Variants in ATRNL1 observed in about 807,000 individuals in gnomAD.
ATRNL1 encodes attractin like 1, also known as attractin-like protein 1.
ATRNL1 carries 95 observed loss-of-function variants against 182.7 expected under a neutral mutation model. That is an observed-to-expected ratio of 0.52 (90% CI 0.44 to 0.62). The LOEUF (loss-of-function observed/expected upper bound fraction) is 0.62, where lower values mean the gene tolerates loss of function less well. Among genes scored for constraint, ATRNL1 ranks in the 20% least tolerant of loss-of-function variants. The pLI, the probability that ATRNL1 is intolerant of heterozygous loss-of-function variation, is 0.00. For synonymous variants in ATRNL1, 576 were observed against 568.3 expected (o/e 1.01, Z -0.19); for missense variants, 1,471 against 1,679.5 (o/e 0.88, Z 2.17).
chr10:115,398,335 G>C (rs1844387687), intron 20 of ATRNL1, among the ~76,000 whole-genome samples: 1 of 151,932 alleles, frequency 6.6e-6, no homozygotes, highest in South Asian at 2.1e-4. Context: ...AAACACAGCT[G>C]ATCGTCAAAA....
intron 24 of ATRNL1, among the ~76,000 whole-genome samples, chr10:115,485,804 T>C (rs1333952410): frequency 1.3e-5 from 2 of 152,118 alleles, no homozygotes; most frequent in Admixed American, 6.6e-5. Flanking sequence ...GCAGGTTTGT[T>C]ACATAGGTAT....
At position 115,241,949 on chromosome 10, in the gene ATRNL1, G is replaced by C. The variant is rs540722760; in HGVS notation, c.1687+224G>C. 3.3e-5 allele frequency among the ~76,000 whole-genome samples: 5 copies of C among 152,106 alleles called. No individual in the cohort carries two copies. In the East Asian group the frequency reaches 9.7e-4, roughly 29 times the overall value. On this transcript the variant is annotated intron_variant, in intron 10 of 28. Coordinates refer to ENST00000355044, the MANE Select transcript of ATRNL1 (RefSeq NM_207303.4). The stretch of plus-strand genomic sequence containing the variant: ...GTGGTAGATACAGGGAATACAAAAA[G>C]CTAGATTTGGATGTCCTTTTTGAAG...
In ATRNL1 at chr10:115,624,966, G is replaced by A. The variant is rs1415713546; in HGVS notation, c.3795+75430G>A. On this transcript the variant is annotated intron_variant, in intron 26 of 28. Coordinates refer to ENST00000355044, the MANE Select transcript of ATRNL1 (RefSeq NM_207303.4). ...TTTCAAATGTTTTCAGGCAATATTA[G>A]TTTACTATCATAATACTAAATTAAA... Among the ~76,000 whole-genome samples the A allele has an allele frequency of 2.6e-5, 4 of 152,092 alleles. No individual in the cohort carries two copies. The East Asian group carries it at 7.7e-4, about 29-fold the overall frequency.
intron 26 of ATRNL1, among the ~76,000 whole-genome samples, chr10:115,685,299 A>C: frequency 6.6e-6 from 1 of 151,794 alleles, no homozygotes; most frequent in East Asian, 1.9e-4. Context: ...TATTTTAAAT[A>C]TCAACTCTGC....
At chr10:115,547,357 A>C (rs1852727369) in intron 25 of ATRNL1, among the ~76,000 whole-genome samples, 1 of 151,856 alleles carries the variant, frequency 6.6e-6, no homozygotes, top group African/African-American at 2.4e-5. Flanking sequence ...TCTCAGCTAC[A>C]ATGAGTATTT....
At chr10:115,158,450 G>C (rs949524879) in intron 5 of ATRNL1, among the ~76,000 whole-genome samples, 2 of 151,954 alleles carry the variant, frequency 1.3e-5, no homozygotes, top group African/African-American at 2.4e-5. Context: ...AATTAAAAAA[G>C]AGGTTCCTTT....
At chr10:115,136,549 C>T (rs1845522389) in intron 5 of ATRNL1, among the ~76,000 whole-genome samples, 1 of 152,170 alleles carries the variant, frequency 6.6e-6, no homozygotes, top group Non-Finnish European at 1.5e-5. Context: ...ATTATAGTAT[C>T]AACAGAATAG....
chr10:115,485,039 G>A (rs782649683), intron 24 of ATRNL1, among the ~76,000 whole-genome samples: 2 of 151,912 alleles, frequency 1.3e-5, no homozygotes, highest in Non-Finnish European at 2.9e-5. Context: ...GTTTTTTTGT[G>A]TGGTGTTGCT....
At chr10:115,202,798 G>A (rs1352625982) in intron 8 of ATRNL1, among the ~76,000 whole-genome samples, 2 of 147,422 alleles carry the variant, frequency 1.4e-5, no homozygotes, top group Non-Finnish European at 3.0e-5. Context: ...AATAGTTTCA[G>A]AAGGAATGGT....
intron 26 of ATRNL1, among the ~76,000 whole-genome samples, chr10:115,631,623 G>A (rs1427407412): frequency 3.3e-5 from 5 of 152,026 alleles, no homozygotes; most frequent in African/African-American, 9.7e-5. Flanking sequence ...TAATTGTTGA[G>A]GCCAGATGTG....
chr10:115,173,290 T>G (rs1847366430), intron 8 of ATRNL1, among the ~76,000 whole-genome samples: 1 of 152,000 alleles, frequency 6.6e-6, no homozygotes, highest in Non-Finnish European at 1.5e-5. Context: ...AGGGCAGTTT[T>G]CTTTTCTGAT....
chr10:115,408,271 G>A (rs1235614794), intron 20 of ATRNL1, among the ~76,000 whole-genome samples: 1 of 152,036 alleles, frequency 6.6e-6, no homozygotes, highest in African/African-American at 2.4e-5. Context: ...CCAAAGTGCT[G>A]GGATTACAGG....
intron 2 of ATRNL1, among the ~76,000 whole-genome samples, chr10:115,121,167 C>T (rs769526840): frequency 1.4e-4 from 22 of 151,882 alleles, no homozygotes; most frequent in Admixed American, 1.2e-3. Context: ...GGCTGGAGTG[C>T]GGTGGTGCGA....
chr10:115,356,353 G>A (rs1032633504), intron 19 of ATRNL1, among the ~76,000 whole-genome samples: 3 of 152,042 alleles, frequency 2.0e-5, no homozygotes, highest in African/African-American at 7.2e-5. Flanking sequence ...ACACAACAAT[G>A]TTAAAAGTTT....
chr10:115,485,438 A>G (rs1188904698), intron 24 of ATRNL1, among the ~76,000 whole-genome samples: 4 of 152,024 alleles, frequency 2.6e-5, no homozygotes, highest in Non-Finnish European at 5.9e-5. Context: ...GGTTAAATCT[A>G]GCTAATTAAA....
At chr10:115,241,128 TTAAA>T (rs1394968316) in intron 9 of ATRNL1, among the ~76,000 whole-genome samples, 5 of 152,150 alleles carry the variant, frequency 3.3e-5, no homozygotes, top group East Asian at 1.9e-4. Context: ...CATGTTATAC[TTAAA>T]TAAAATCTTA....
At chr10:115,648,077 G>C (rs188326685) in intron 26 of ATRNL1, among the ~76,000 whole-genome samples, 2 of 151,884 alleles carry the variant, frequency 1.3e-5, no homozygotes, top group African/African-American at 2.4e-5. Flanking sequence ...TCTTGTTTTT[G>C]TCAGGTTTGT....
chr10:115,560,158 C>A (rs1420002161), intron 26 of ATRNL1, among the ~76,000 whole-genome samples: 1 of 152,068 alleles, frequency 6.6e-6, no homozygotes, highest in African/African-American at 2.4e-5. Context: ...ATAAAATACA[C>A]AGGAACAAAC....
rs1554916810 is a variant in ATRNL1 at position 115,281,477 on chromosome 10, G to A, written c.2223G>A (p.Gln741=). The change falls in exon 14 of 29, where the codon CAG becomes CAA. Residue 741 remains glutamine (Q), a synonymous_variant. Transcript: ENST00000355044. Reference sequence around the variant, plus strand: ...GGGATCAGAGACAGCAAGAATGCCAGGCTTTACCAGGTAAAGATTTCAAAA... The same window carrying A: ...GGGATCAGAGACAGCAAGAATGCCAAGCTTTACCAGGTAAAGATTTCAAAA... ...CQWDQRQQEC[Q]ALPAHLCGEG... The A allele has an allele frequency of 1.2e-6, 2 of 1,612,552 alleles. No homozygotes were observed. The highest frequency in any genetic ancestry group is 1.7e-6 in the Non-Finnish European group (2 of 1,179,286).
Sources: allele counts gnomAD v4.1 joint callset (sites outside exome capture counted in the v4.1 genomes callset), GRCh38; gene constraint gnomAD v4.1.1; transcripts MANE v1.5; gene names NCBI Gene and HGNC (gene_info 2026-07-23, HGNC 2026-07-21).